FARS2: variants seen among roughly 807,000 people sequenced by gnomAD.
The protein encoded by FARS2 is phenylalanyl-tRNA synthetase 2, mitochondrial.
A neutral mutation model predicts 46.4 loss-of-function variants in FARS2; 40 were observed. The observed-to-expected ratio is 0.86, with a 90% CI of 0.67 to 1.12. FARS2 has a LOEUF of 1.12. FARS2 is among the 50% of genes most tolerant of loss of function. The pLI is 0.00. For synonymous variants in FARS2, 234 were observed against 214.9 expected, an observed-to-expected ratio of 1.09 and a Z score of -0.78; for missense variants, 513 against 567.9, an observed-to-expected ratio of 0.90 and a Z score of 0.98.
At chr6:5,739,938 G>A (rs73720205) in intron 6 of FARS2, among the ~76,000 whole-genome samples, 3,593 of 152,262 alleles carry the variant, frequency 0.024, 153 homozygotes, top group African/African-American at 0.081. Context: ...GCAACTCTAC[G>A]AGGTAGATAC....
At chr6:5,388,404 A>G (rs1760274991) in intron 2 of FARS2, among the ~76,000 whole-genome samples, 1 of 152,210 alleles carries the variant, frequency 6.6e-6, no homozygotes, top group African/African-American at 2.4e-5. Context: ...CTTTTTTAAA[A>G]TGGGGTTCAT....
upstream of FARS2, among the ~76,000 whole-genome samples, chr6:5,256,742 G>T (rs1229945462): frequency 1.3e-5 from 2 of 152,014 alleles, no homozygotes; most frequent in Non-Finnish European, 2.9e-5. Flanking sequence ...GGGCATCCCA[G>T]GGGAAATTTA....
rs576278632 is a variant in FARS2 at position 5,441,729 on chromosome 6, T to C, written c.904+10557T>C. Among the ~76,000 whole-genome samples the C allele has an allele frequency of 2.5e-4, 38 of 152,322 alleles. No homozygotes were observed. In the South Asian group the frequency reaches 7.7e-3, roughly 31 times the overall value. On this transcript the variant is annotated intron_variant, in intron 4 of 6. Coordinates refer to ENST00000274680, the MANE Select transcript of FARS2 (RefSeq NM_006567.5). ...CTGAACATTCTTGCACCTCTGAATG[T>C]ATAGGTGTAAGAGTCTCACTGAGCT...
At chr6:5,414,400 A>G (rs896542127) in intron 3 of FARS2, among the ~76,000 whole-genome samples, 1 of 152,132 alleles carries the variant, frequency 6.6e-6, no homozygotes, top group Non-Finnish European at 1.5e-5. Flanking sequence ...CCGTCCCTCT[A>G]CCACCTCTTC....
intron 1 of FARS2, among the ~76,000 whole-genome samples, chr6:5,345,855 C>T (rs776036716): frequency 1.3e-5 from 2 of 152,208 alleles, no homozygotes; most frequent in Non-Finnish European, 2.9e-5. Flanking sequence ...TAATCTTTCA[C>T]AGGCAGTTAT....
At chr6:5,576,475 C>T (rs2150570259) in intron 5 of FARS2, among the ~76,000 whole-genome samples, 1 of 151,870 alleles carries the variant, frequency 6.6e-6, no homozygotes, top group South Asian at 2.1e-4. Context: ...TTTCGTGCTC[C>T]TCAGCTTGCA....
rs1282369243 is a variant in FARS2, at chr6:5,535,830, C to T, written c.905-9350C>T. On this transcript the variant is annotated intron_variant, in intron 4 of 6. Coordinates refer to ENST00000274680, the MANE Select transcript of FARS2 (RefSeq NM_006567.5). Reference sequence around the variant, plus strand: ...TTTATCCTATTGTTACAGTATATTACATTGATTGATTTTTATATTTTGAGC... The same window carrying T: ...TTTATCCTATTGTTACAGTATATTATATTGATTGATTTTTATATTTTGAGC... Among the ~76,000 whole-genome samples, 7 of 151,928 alleles carry T rather than the reference C, an allele frequency of 4.6e-5. 2 individuals carry two copies. The highest frequency in any genetic ancestry group is 1.7e-4 in the African/African-American group (7 of 41,518).
At chr6:5,728,887 T>C (rs1017859711) in intron 6 of FARS2, among the ~76,000 whole-genome samples, 2 of 152,288 alleles carry the variant, frequency 1.3e-5, no homozygotes, top group South Asian at 2.1e-4. Context: ...CCCGAAACCC[T>C]GCCTGAGCTC....
In FARS2 at chr6:5,585,180, T is replaced by G. The variant is rs533988044; in HGVS notation, c.1066-27989T>G. Among the ~76,000 whole-genome samples the G allele has an allele frequency of 1.3e-4, 20 of 152,272 alleles. No individual in the cohort carries two copies. In the South Asian group the frequency reaches 4.2e-3, roughly 32 times the overall value. ...TTTGCTGGTTTTTATTTTAAAATAT[T>G]TAATTGACAAAAATTTATATATTCA... On this transcript the variant is annotated intron_variant, in intron 5 of 6. Coordinates refer to ENST00000274680, the MANE Select transcript of FARS2 (RefSeq NM_006567.5).
chr6:5,603,069 G>T (rs1435475757), intron 5 of FARS2, among the ~76,000 whole-genome samples: 3 of 152,068 alleles, frequency 2.0e-5, no homozygotes, highest in African/African-American at 7.2e-5. Flanking sequence ...ATTTCGGCTG[G>T]TAAAGATACA....
intron 2 of FARS2, among the ~76,000 whole-genome samples, chr6:5,392,784 G>A (rs1260935561): frequency 7.0e-6 from 1 of 142,228 alleles, no homozygotes; most frequent in African/African-American, 2.6e-5. Flanking sequence ...ATATATATGT[G>A]TGTATATATA....
rs1008034792 is a variant in FARS2 at position 5,733,557 on chromosome 6, G to A, written c.1218-37734G>A. Among the ~76,000 whole-genome samples the A allele has an allele frequency of 1.3e-4, 20 of 152,054 alleles. 1 individual carries two copies. The highest frequency in any genetic ancestry group is 2.5e-4 in the Non-Finnish European group (17 of 67,998). ...CCAGGTGGGTTTATATTTTGTTTTT[G>A]TTCTCCCTCCTCTCCACTGCCTTGC... On this transcript the variant is annotated intron_variant, in intron 6 of 6. Coordinates refer to ENST00000274680, the MANE Select transcript of FARS2 (RefSeq NM_006567.5).
At chr6:5,336,429 A>G (rs1474693062) in intron 1 of FARS2, among the ~76,000 whole-genome samples, 1 of 152,102 alleles carries the variant, frequency 6.6e-6, no homozygotes, top group Non-Finnish European at 1.5e-5. Flanking sequence ...TTTTCTTTAC[A>G]TATGTGGATC....
At chr6:5,410,621 A>G (rs1761891385) in intron 3 of FARS2, among the ~76,000 whole-genome samples, 1 of 152,200 alleles carries the variant, frequency 6.6e-6, no homozygotes, top group Non-Finnish European at 1.5e-5. Context: ...TTACATTAAT[A>G]ATAGCAATAA....
chr6:5,458,785 T>C (rs1444766520), intron 4 of FARS2, among the ~76,000 whole-genome samples: 7 of 152,186 alleles, frequency 4.6e-5, no homozygotes, highest in African/African-American at 1.7e-4. Flanking sequence ...CATGGGCAGG[T>C]TTACAGTGTT....
At chr6:5,584,127 A>ACACACACACACACACACACACT (rs1773486545) in intron 5 of FARS2, among the ~76,000 whole-genome samples, 1 of 150,818 alleles carries the variant, frequency 6.6e-6, no homozygotes, top group Non-Finnish European at 1.5e-5. Flanking sequence ...ACACACACAC[A>ACACACACACACACACACACACT]CACACACACA....
At chr6:5,321,605 A>G (rs1477039119) in intron 1 of FARS2, among the ~76,000 whole-genome samples, 2 of 150,430 alleles carry the variant, frequency 1.3e-5, no homozygotes, top group Non-Finnish European at 2.9e-5. Context: ...GCTTTGTTGT[A>G]TCTACTTCAT....
In FARS2 at chr6:5,697,057, GT is replaced by G. The variant is rs571178283; in HGVS notation, c.1218-74233del. 4.7e-4 allele frequency among the ~76,000 whole-genome samples: 71 copies of G among 152,212 alleles called. 1 individual carries two copies. The highest frequency in any genetic ancestry group is 1.7e-3 in the African/African-American group (70 of 41,538). ...TTTTTTTGGAAAGATACTTTCTGAA[GT>G]CTTATCCAATTCCATGTATACGTTA... On this transcript the variant is annotated intron_variant, in intron 6 of 6. Coordinates refer to ENST00000274680, the MANE Select transcript of FARS2 (RefSeq NM_006567.5).
intron 5 of FARS2, among the ~76,000 whole-genome samples, chr6:5,584,360 C>G (rs1395188402): frequency 1.3e-5 from 2 of 152,098 alleles, no homozygotes; most frequent in Non-Finnish European, 2.9e-5. Flanking sequence ...ATCATTTCTC[C>G]CCCACCCCAG....
Sources: allele counts gnomAD v4.1 joint callset (sites outside exome capture counted in the v4.1 genomes callset), GRCh38; gene constraint gnomAD v4.1.1; transcripts MANE v1.5; gene names NCBI Gene and HGNC (gene_info 2026-07-23, HGNC 2026-07-21).